CNTNAP5: variants seen among roughly 807,000 people sequenced by gnomAD.
CNTNAP5 encodes contactin associated protein family member 5, also known as contactin-associated protein-like 5.
Under a neutral mutation model 150.2 loss-of-function variants are expected in CNTNAP5, and 72 were observed. The observed-to-expected ratio is 0.48, with a 90% CI of 0.40 to 0.58. The LOEUF is 0.58. Among genes scored for constraint, CNTNAP5 ranks in the 20% least tolerant of loss-of-function variants. The probability of loss-of-function intolerance (pLI) is 0.00; values close to 1 mark genes in which losing one functional copy is unlikely to be tolerated. For missense variants in CNTNAP5, 1,636 were observed against 1,626.2 expected, an observed-to-expected ratio of 1.01 and a Z score of -0.10; for synonymous variants, 672 against 619.8, an observed-to-expected ratio of 1.08 and a Z score of -1.25.
chr2:124,907,070 T>A (rs1363408594), intron 22 of CNTNAP5, among the ~76,000 whole-genome samples: 1 of 152,002 alleles, frequency 6.6e-6, no homozygotes, highest in Non-Finnish European at 1.5e-5. Context: ...TGAGCAATGC[T>A]AAAGGAAAAA....
chr2:124,438,692 T>C (rs1048039434), intron 5 of CNTNAP5, among the ~76,000 whole-genome samples: 1 of 152,174 alleles, frequency 6.6e-6, no homozygotes, highest in Non-Finnish European at 1.5e-5. Context: ...TTAGCTCTTT[T>C]GAAACTCAGG....
In CNTNAP5 at chr2:124,647,753, G is replaced by A. The variant is rs1295680186; in HGVS notation, c.1877-5G>A. ...CTCTTGCTTTGTGTTGTGTTGTCTG[G>A]GCAGAGGACAAGATCTGGACATCAG... On this transcript the variant is annotated splice_region_variant and splice_polypyrimidine_tract_variant and intron_variant, in intron 12 of 23. Coordinates refer to ENST00000682447, the MANE Select transcript of CNTNAP5 (RefSeq NM_001367498.1). 2 of 1,585,852 alleles carry A rather than the reference G, an allele frequency of 1.3e-6. No homozygotes were observed. Among genetic ancestry groups the A allele is most frequent in the East Asian group, 2.3e-5 (1 of 44,290 alleles).
chr2:124,320,145 A>T (rs1398485234), intron 3 of CNTNAP5, among the ~76,000 whole-genome samples: 1 of 152,192 alleles, frequency 6.6e-6, no homozygotes, highest in Non-Finnish European at 1.5e-5. Context: ...CTTTACAGTT[A>T]TATCCATTTA....
chr2:124,168,876 C>T (rs766527841), intron 1 of CNTNAP5, among the ~76,000 whole-genome samples: 2 of 152,092 alleles, frequency 1.3e-5, no homozygotes, highest in Admixed American at 6.5e-5. Flanking sequence ...GACCTATCTG[C>T]GTGGAACTTT....
intron 13 of CNTNAP5, among the ~76,000 whole-genome samples, chr2:124,732,067 A>T (rs1052393088): frequency 6.6e-6 from 1 of 152,152 alleles, no homozygotes; most frequent in Non-Finnish European, 1.5e-5. Context: ...AGAAATTTTT[A>T]AAAATGTATT....
intron 4 of CNTNAP5, among the ~76,000 whole-genome samples, chr2:124,425,734 G>A (rs750995233): frequency 6.6e-6 from 1 of 152,048 alleles, no homozygotes; most frequent in Non-Finnish European, 1.5e-5. Flanking sequence ...TCCCTGTACC[G>A]CATCTTACAG....
At position 124,822,164 on chromosome 2, in the gene CNTNAP5, T is replaced by C. The variant is rs1016649222; in HGVS notation, c.3217+23844T>C. 2.6e-5 allele frequency among the ~76,000 whole-genome samples: 4 copies of C among 152,164 alleles called. No individual in the cohort carries two copies. The East Asian group carries it at 7.7e-4, about 29-fold the overall frequency. On this transcript the variant is annotated intron_variant, in intron 19 of 23. Transcript: ENST00000682447. ...ATCCTTGGTTCTGTGCTCTGTAGCC[T>C]CAGGACTTATATTCCTGCTCATTTC... is the stretch of plus-strand genomic sequence containing the variant.
intron 13 of CNTNAP5, among the ~76,000 whole-genome samples, chr2:124,726,116 G>A (rs1680153287): frequency 6.6e-6 from 1 of 151,478 alleles, no homozygotes; most frequent in Non-Finnish European, 1.5e-5. Context: ...TTTTCTCCAT[G>A]TCTTCACCAA....
At chr2:124,177,463 G>C (rs989313283) in intron 1 of CNTNAP5, among the ~76,000 whole-genome samples, 1 of 151,960 alleles carries the variant, frequency 6.6e-6, no homozygotes, top group Non-Finnish European at 1.5e-5. Flanking sequence ...AGGTAGAACA[G>C]GTCTGGACTC....
chr2:124,180,854 A>G (rs1379085612), intron 1 of CNTNAP5, among the ~76,000 whole-genome samples: 1 of 145,564 alleles, frequency 6.9e-6, no homozygotes, highest in Non-Finnish European at 1.5e-5. Context: ...ATTTCCTCTT[A>G]TTGTTCACCT....
At chr2:124,893,308 T>C (rs1163272779) in intron 21 of CNTNAP5, among the ~76,000 whole-genome samples, 1 of 152,124 alleles carries the variant, frequency 6.6e-6, no homozygotes, top group African/African-American at 2.4e-5. Flanking sequence ...TAAAGCAGAA[T>C]TTAGTGCACA....
At chr2:124,049,998 A>G (rs1030600065) in intron 1 of CNTNAP5, among the ~76,000 whole-genome samples, 5 of 151,630 alleles carry the variant, frequency 3.3e-5, no homozygotes, top group Admixed American at 3.3e-4. Flanking sequence ...TGATCTAATC[A>G]CCTCTCATAG....
chr2:124,382,268 A>G (rs1320008071), intron 3 of CNTNAP5, among the ~76,000 whole-genome samples: 1 of 152,108 alleles, frequency 6.6e-6, no homozygotes, highest in African/African-American at 2.4e-5. Flanking sequence ...GCAGGCACAG[A>G]GAGAGGTGGC....
chr2:124,614,585 C>T (rs1677455707), intron 12 of CNTNAP5, among the ~76,000 whole-genome samples: 1 of 152,078 alleles, frequency 6.6e-6, no homozygotes, highest in Non-Finnish European at 1.5e-5. Context: ...TGATAACTTC[C>T]TGATGTTGCC....
In CNTNAP5 at chr2:124,669,749, A is replaced by G. The variant is rs181309723; in HGVS notation, c.2077+21791A>G. On this transcript the variant is annotated intron_variant, in intron 13 of 23. Coordinates refer to ENST00000682447, the MANE Select transcript of CNTNAP5 (RefSeq NM_001367498.1). ...TCCGGACACTCAGACCAAAAAACCT[A>G]TGAGTTATCCTTGGTTCCTCTCTTT... Among the ~76,000 whole-genome samples, 311 of 152,318 alleles carry G rather than the reference A, an allele frequency of 2.0e-3. 6 individuals carry two copies. The highest frequency in any genetic ancestry group is 1.2e-3 in the Non-Finnish European group (81 of 68,030).
intron 17 of CNTNAP5, among the ~76,000 whole-genome samples, chr2:124,788,967 C>A (rs1358118156): frequency 6.6e-6 from 1 of 152,072 alleles, no homozygotes; most frequent in African/African-American, 2.4e-5. Flanking sequence ...CACCACACAC[C>A]CACACAATAG....
chr2:124,025,802 T>C (rs966160987), intron 1 of CNTNAP5, 70 bp downstream of exon 1: 3 of 1,242,698 alleles, frequency 2.4e-6, no homozygotes, highest in African/African-American at 3.0e-5. Flanking sequence ...CAATCAACTA[T>C]CTAAGCGTAC....
intron 3 of CNTNAP5, among the ~76,000 whole-genome samples, chr2:124,284,957 A>G (rs182844917): frequency 1.3e-5 from 2 of 152,168 alleles, no homozygotes; most frequent in East Asian, 3.9e-4. Flanking sequence ...TTGCTTTGTC[A>G]CCCAGGCTGG....
chr2:124,142,825 C>A (rs200763943), intron 1 of CNTNAP5, among the ~76,000 whole-genome samples: 1 of 150,746 alleles, frequency 6.6e-6, no homozygotes, highest in Non-Finnish European at 1.5e-5. Context: ...CACAAAAAAC[C>A]CTTCAAAAAA....
Sources: gnomAD v4.1 joint callset for allele counts (sites outside exome capture counted in the v4.1 genomes callset) on GRCh38, gnomAD v4.1.1 for gene constraint, MANE v1.5 for transcripts, NCBI Gene and HGNC (gene_info 2026-07-23, HGNC 2026-07-21) for gene names.